The following NXPH1 variants were observed in gnomAD, a reference collection of about 807,000 sequenced individuals.
NXPH1 encodes the protein neurexophilin 1.
Under a neutral mutation model 23.7 loss-of-function variants are expected in NXPH1, and 5 were observed. That is an observed-to-expected ratio of 0.21 (90% CI 0.11 to 0.44). The LOEUF is 0.44. Among genes scored for constraint, NXPH1 ranks in the 20% least tolerant of loss-of-function variants. NXPH1 has a pLI of 0.99. For missense variants in NXPH1, 324 were observed against 321.6 expected (o/e 1.01, Z -0.06); for synonymous variants, 144 against 122.2 (o/e 1.18, Z -1.18).
chr7:8,522,260 A>C (rs1010393521), intron 2 of NXPH1, among the ~76,000 whole-genome samples: 1 of 152,172 alleles, frequency 6.6e-6, no homozygotes. Flanking sequence ...GACACCAAGC[A>C]TGAGTCTAGC....
At chr7:8,512,732 A>G (rs1001372711) in intron 2 of NXPH1, among the ~76,000 whole-genome samples, 4 of 152,118 alleles carry the variant, frequency 2.6e-5, no homozygotes, top group African/African-American at 9.7e-5. Flanking sequence ...AACCACCCCC[A>G]ATTTATTGTA....
chr7:8,640,640 T>C (rs1294162138), intron 2 of NXPH1, among the ~76,000 whole-genome samples: 5 of 152,106 alleles, frequency 3.3e-5, no homozygotes, highest in African/African-American at 1.2e-4. Context: ...TAGATAAAAT[T>C]TAAAATTAGC....
intron 2 of NXPH1, among the ~76,000 whole-genome samples, chr7:8,700,627 T>A (rs1562458757): frequency 6.6e-6 from 1 of 152,192 alleles, no homozygotes; most frequent in African/African-American, 2.4e-5. Flanking sequence ...TTCACTTTTT[T>A]ATTATATTTG....
At chr7:8,503,763 G>T (rs1001800595) in intron 2 of NXPH1, among the ~76,000 whole-genome samples, 2 of 151,944 alleles carry the variant, frequency 1.3e-5, no homozygotes, top group African/African-American at 2.4e-5. Flanking sequence ...AACACGGCCT[G>T]CCTAGCAGTC....
At chr7:8,438,204 G>A (rs1352589820) in intron 2 of NXPH1, among the ~76,000 whole-genome samples, 1 of 152,148 alleles carries the variant, frequency 6.6e-6, no homozygotes, top group Non-Finnish European at 1.5e-5. Flanking sequence ...AAACTCTAGG[G>A]CAATGAACCG....
intron 2 of NXPH1, among the ~76,000 whole-genome samples, chr7:8,586,849 A>G (rs2128624708): frequency 6.6e-6 from 1 of 152,180 alleles, no homozygotes; most frequent in Non-Finnish European, 1.5e-5. Flanking sequence ...TGAGTTGGGA[A>G]TTTTAATGCA....
At position 8,655,805 on chromosome 7, in the gene NXPH1, C is replaced by T. The variant is rs536588642; in HGVS notation, c.55-95203C>T. On this transcript the variant is annotated intron_variant, in intron 2 of 2. Transcript: ENST00000405863. ...CCTAGAATTCTCTCCTCAGCTTTTG[C>T]ATTTGGGAAATGTGACAAAGTTTTC... Among the ~76,000 whole-genome samples the T allele has an allele frequency of 3.9e-5, 6 of 152,244 alleles. No individual in the cohort carries two copies. The South Asian group carries it at 1.2e-3, about 32-fold the overall frequency.
chr7:8,671,444 G>A (rs984172974), intron 2 of NXPH1, among the ~76,000 whole-genome samples: 2 of 152,156 alleles, frequency 1.3e-5, no homozygotes, highest in Non-Finnish European at 2.9e-5. Context: ...ACATACTGAT[G>A]CTCTCCCTCA....
intron 2 of NXPH1, among the ~76,000 whole-genome samples, chr7:8,656,434 A>G (rs978178408): frequency 9.9e-5 from 15 of 152,134 alleles, no homozygotes; most frequent in Admixed American, 9.2e-4. Context: ...CCCATTACAG[A>G]GAAGAGGATA....
chr7:8,474,395 A>T (rs549590611), intron 2 of NXPH1, among the ~76,000 whole-genome samples: 1 of 152,250 alleles, frequency 6.6e-6, no homozygotes, highest in Non-Finnish European at 1.5e-5. Flanking sequence ...AAATTGGGAA[A>T]TATAGAGAAG....
intron 2 of NXPH1, among the ~76,000 whole-genome samples, chr7:8,440,387 C>T (rs1214553198): frequency 6.6e-6 from 1 of 152,200 alleles, no homozygotes; most frequent in Non-Finnish European, 1.5e-5. Flanking sequence ...CGGAGAGAAC[C>T]AGGATTGCTC....
intron 2 of NXPH1, among the ~76,000 whole-genome samples, chr7:8,470,137 G>A (rs1816849506): frequency 6.6e-6 from 1 of 152,150 alleles, no homozygotes; most frequent in Non-Finnish European, 1.5e-5. Context: ...GCTGAGTTTA[G>A]CTTAAGCATC....
At chr7:8,470,220 C>G (rs116110357) in intron 2 of NXPH1, among the ~76,000 whole-genome samples, 2 of 149,924 alleles carry the variant, frequency 1.3e-5, no homozygotes, top group Non-Finnish European at 3.0e-5. Context: ...GTACTTTTAT[C>G]GCTGGATAGA....
intron 2 of NXPH1, among the ~76,000 whole-genome samples, chr7:8,503,944 T>C (rs1817480548): frequency 6.6e-6 from 1 of 152,118 alleles, no homozygotes; most frequent in South Asian, 2.1e-4. Flanking sequence ...GCCATCTACA[T>C]TGTGGTCCTA....
chr7:8,540,864 A>C (rs1443186006), intron 2 of NXPH1, among the ~76,000 whole-genome samples: 1 of 151,722 alleles, frequency 6.6e-6, no homozygotes, highest in Non-Finnish European at 1.5e-5. Flanking sequence ...AGAATAACTA[A>C]CCCATGACTG....
chr7:8,741,898 C>T (rs1317204351), intron 2 of NXPH1, among the ~76,000 whole-genome samples: 1 of 152,100 alleles, frequency 6.6e-6, no homozygotes, highest in Non-Finnish European at 1.5e-5. Context: ...CCAAGATACA[C>T]ATGGCATAAA....
intron 2 of NXPH1, among the ~76,000 whole-genome samples, chr7:8,629,238 G>A (rs1360905523): frequency 6.6e-6 from 1 of 151,988 alleles, no homozygotes; most frequent in East Asian, 1.9e-4. Context: ...AGGAACATTT[G>A]TTTTTTAAGC....
At chr7:8,462,758 A>G (rs1009203664) in intron 2 of NXPH1, among the ~76,000 whole-genome samples, 1 of 152,268 alleles carries the variant, frequency 6.6e-6, no homozygotes, top group Non-Finnish European at 1.5e-5. Context: ...AAAATAAAAC[A>G]GAATACTTGA....
At chr7:8,506,530 T>C (rs1425259078) in intron 2 of NXPH1, among the ~76,000 whole-genome samples, 1 of 152,106 alleles carries the variant, frequency 6.6e-6, no homozygotes, top group Non-Finnish European at 1.5e-5. Context: ...AGGAACAGAC[T>C]ATTAATGAGT....
Sources: gnomAD v4.1 joint callset for allele counts (sites outside exome capture counted in the v4.1 genomes callset) on GRCh38, gnomAD v4.1.1 for gene constraint, MANE v1.5 for transcripts, NCBI Gene and HGNC (gene_info 2026-07-23, HGNC 2026-07-21) for gene names.